The following NEGR1 variants were observed in gnomAD, a reference collection of about 807,000 sequenced individuals.
NEGR1 encodes IgLON family member 4.
NEGR1 carries 10 observed loss-of-function variants against 40.9 expected under a neutral mutation model. The observed-to-expected ratio is 0.24, with a 90% CI of 0.15 to 0.42. NEGR1 has a LOEUF of 0.42. Ranked by LOEUF, NEGR1 falls within the 10% of genes least tolerant of loss-of-function variation. The probability of loss-of-function intolerance (pLI) is 1.00; values close to 1 mark genes in which losing one functional copy is unlikely to be tolerated. For synonymous variants in NEGR1, 185 were observed against 166.8 expected, an observed-to-expected ratio of 1.11 and a Z score of -0.84; for missense variants, 352 against 438.9, an observed-to-expected ratio of 0.80 and a Z score of 1.77.
chr1:71,577,184 G>A (rs1307294022), intron 6 of NEGR1, among the ~76,000 whole-genome samples: 1 of 152,156 alleles, frequency 6.6e-6, no homozygotes, highest in Non-Finnish European at 1.5e-5. Context: ...TGATAAATTA[G>A]TTCTCAGAAT....
chr1:71,466,755 T>G (rs1442969698), intron 6 of NEGR1, among the ~76,000 whole-genome samples: 1 of 151,960 alleles, frequency 6.6e-6, no homozygotes, highest in Non-Finnish European at 1.5e-5. Context: ...AGCAAGGGTT[T>G]TGAAAAAGGG....
At chr1:71,427,319 G>T (rs1277225339) in intron 6 of NEGR1, among the ~76,000 whole-genome samples, 1 of 152,138 alleles carries the variant, frequency 6.6e-6, no homozygotes, top group African/African-American at 2.4e-5. Context: ...CAATAGCATG[G>T]ACTGTCCTCA....
intron 4 of NEGR1, among the ~76,000 whole-genome samples, chr1:71,666,060 C>A (rs995375408): frequency 1.3e-5 from 2 of 152,160 alleles, no homozygotes; most frequent in African/African-American, 4.8e-5. Context: ...AGTCAACTGT[C>A]TCATTCCATG....
chr1:71,996,053 A>G (rs759626372), intron 1 of NEGR1, among the ~76,000 whole-genome samples: 2 of 152,202 alleles, frequency 1.3e-5, no homozygotes, highest in Non-Finnish European at 2.9e-5. Context: ...TTGAAAAAAT[A>G]GTAATAGTAC....
rs765858425 is a variant in NEGR1, at chr1:72,018,165, T to C, written c.177-82854A>G. On this transcript the variant is annotated intron_variant, in intron 1 of 6. Coordinates refer to ENST00000357731, the MANE Select transcript of NEGR1 (RefSeq NM_173808.3). ...TATCGATGGTTCATATTTGTTTATA[T>C]ATTCTACAAGAGAAAGACTAAGGAA... 2.6e-5 allele frequency among the ~76,000 whole-genome samples: 4 copies of C among 152,304 alleles called. No individual in the cohort carries two copies. In the East Asian group the frequency reaches 7.7e-4, roughly 29 times the overall value.
rs1384576322 is a variant in NEGR1, at chr1:72,135,415, AC to A, written c.176+146903del. ...CAAAAAACAAAAAACAAAAAAAAAA[AC>A]AAAACCAAAAAAAAAAAAAAAAAGA... On this transcript the variant is annotated intron_variant, in intron 1 of 6. Coordinates refer to ENST00000357731, the MANE Select transcript of NEGR1 (RefSeq NM_173808.3). Among the ~76,000 whole-genome samples, 29 of 103,474 alleles carry A rather than the reference AC, an allele frequency of 2.8e-4. No homozygotes were observed. The East Asian group carries it at 7.2e-3, about 26-fold the overall frequency. The allele number at this position is 103,474 out of a possible 152,430, so 67.9% of individuals were successfully genotyped here. A position where few individuals can be genotyped will look rare whatever the true frequency, so the allele number is the denominator to read the frequency against.
intron 2 of NEGR1, among the ~76,000 whole-genome samples, chr1:71,838,222 T>C (rs1029461549): frequency 6.6e-5 from 10 of 152,222 alleles, no homozygotes; most frequent in African/African-American, 1.9e-4. Context: ...AATTGGATAA[T>C]ACAAATAACC....
chr1:71,843,098 C>T lies in NEGR1; in HGVS notation c.410-66801G>A, dbSNP rs141262399. ...GCCTCAAGTGTCACATCAGGTACATCCAAATGGCAAATGAATGTCGTTATA... is the reference window on the plus strand; with the variant it reads ...GCCTCAAGTGTCACATCAGGTACATTCAAATGGCAAATGAATGTCGTTATA... On this transcript the variant is annotated intron_variant, in intron 2 of 6. Coordinates refer to ENST00000357731, the MANE Select transcript of NEGR1 (RefSeq NM_173808.3). Among the ~76,000 whole-genome samples, 190 of 152,230 alleles carry T rather than the reference C, an allele frequency of 1.2e-3. 1 individual carries two copies. Among genetic ancestry groups the T allele is most frequent in the African/African-American group, 4.0e-3 (167 of 41,552 alleles).
chr1:71,655,639 T>C (rs1302409092), intron 4 of NEGR1, among the ~76,000 whole-genome samples: 1 of 152,192 alleles, frequency 6.6e-6, no homozygotes, highest in Admixed American at 6.5e-5. Flanking sequence ...AATTCTTGTT[T>C]TGTGACATAT....
chr1:72,109,941 T>G (rs1649288209), intron 1 of NEGR1, among the ~76,000 whole-genome samples: 1 of 151,664 alleles, frequency 6.6e-6, no homozygotes, highest in South Asian at 2.1e-4. Flanking sequence ...AGCATGTAGA[T>G]AACAGAAAGA....
intron 1 of NEGR1, among the ~76,000 whole-genome samples, chr1:72,165,729 C>A (rs759100541): frequency 1.3e-5 from 2 of 151,976 alleles, no homozygotes; most frequent in Non-Finnish European, 2.9e-5. Context: ...ATAAAACTAT[C>A]CATCAAACTA....
intron 6 of NEGR1, among the ~76,000 whole-genome samples, chr1:71,454,248 T>G (rs2101333278): frequency 6.6e-6 from 1 of 152,322 alleles, no homozygotes; most frequent in East Asian, 1.9e-4. Context: ...TCAAGAAATT[T>G]TTACTAGAGT....
At chr1:71,828,287 C>A (rs1422105934) in intron 2 of NEGR1, among the ~76,000 whole-genome samples, 1 of 151,832 alleles carries the variant, frequency 6.6e-6, no homozygotes, top group Non-Finnish European at 1.5e-5. Flanking sequence ...TGTTAGTATT[C>A]AATAAATGTT....
chr1:71,896,101 A>G (rs1660965821), intron 2 of NEGR1, among the ~76,000 whole-genome samples: 1 of 147,532 alleles, frequency 6.8e-6, no homozygotes. Context: ...GCAGTGGCAC[A>G]ATCTCGGCTC....
intron 3 of NEGR1, among the ~76,000 whole-genome samples, chr1:71,722,236 T>C (rs1157219385): frequency 6.6e-6 from 1 of 152,052 alleles, no homozygotes; most frequent in Non-Finnish European, 1.5e-5. Flanking sequence ...TATTTGCAAA[T>C]AGAATGTTTT....
chr1:71,794,390 G>A (rs533396343), intron 2 of NEGR1: 46 of 152,068 alleles, frequency 3.0e-4, no homozygotes, highest in African/African-American at 9.6e-4. Context: ...ATAAAATGCC[G>A]GGAAAAAATA....
chr1:71,947,877 T>G (rs1646035601), intron 1 of NEGR1, among the ~76,000 whole-genome samples: 1 of 152,214 alleles, frequency 6.6e-6, no homozygotes, highest in Admixed American at 6.5e-5. Context: ...TGTATTTATG[T>G]CTAAGATGCT....
chr1:71,596,283 T>A (rs1218668493), intron 5 of NEGR1, among the ~76,000 whole-genome samples: 7 of 152,226 alleles, frequency 4.6e-5, no homozygotes, highest in Non-Finnish European at 1.0e-4. Flanking sequence ...GAACCATAAC[T>A]CTCGCTCCTC....
At chr1:71,757,691 A>T (rs1570306032) in intron 3 of NEGR1, among the ~76,000 whole-genome samples, 1 of 152,088 alleles carries the variant, frequency 6.6e-6, no homozygotes, top group Admixed American at 6.5e-5. Context: ...TGAAATCTGA[A>T]TAAGTAAAAA....
Sources: allele counts gnomAD v4.1 joint callset (sites outside exome capture counted in the v4.1 genomes callset), GRCh38; gene constraint gnomAD v4.1.1; transcripts MANE v1.5; gene names NCBI Gene and HGNC (gene_info 2026-07-23, HGNC 2026-07-21).